EHMT1: variants seen among roughly 807,000 people sequenced by gnomAD.
EHMT1 encodes the protein histone-lysine N-methyltransferase EHMT1.
EHMT1 carries 15 observed loss-of-function variants against 147.2 expected under a neutral mutation model. The observed-to-expected ratio is 0.10, with a 90% CI of 0.07 to 0.16. The LOEUF is 0.16. Ranked by LOEUF, EHMT1 falls within the 10% of genes least tolerant of loss-of-function variation. The probability of loss-of-function intolerance (pLI) is 1.00; values close to 1 mark genes in which losing one functional copy is unlikely to be tolerated. For missense variants in EHMT1, 1,587 were observed against 1,772.4 expected, an observed-to-expected ratio of 0.90 and a Z score of 1.88; for synonymous variants, 795 against 709.6, an observed-to-expected ratio of 1.12 and a Z score of -1.91.
At chr9:137,709,662 CA>C (rs1944527327) in intron 1 of EHMT1, among the ~76,000 whole-genome samples, 2 of 128,932 alleles carry the variant, frequency 1.6e-5, no homozygotes, top group African/African-American at 7.0e-5. Context: ...CGGGTTTTTG[CA>C]GCCTCTTCTT....
chr9:137,722,003 G>A (rs1385763588), intron 3 of EHMT1, among the ~76,000 whole-genome samples: 1 of 148,514 alleles, frequency 6.7e-6, no homozygotes, highest in African/African-American at 2.5e-5. Flanking sequence ...TCAGTCTTAC[G>A]TGAACTTTAA....
intron 5 of EHMT1, 83 bp downstream of exon 5, chr9:137,743,611 T>C (rs1395316536): frequency 6.3e-7 from 1 of 1,594,356 alleles, no homozygotes; most frequent in East Asian, 2.2e-5. Context: ...GTAATTTGGG[T>C]GACCTCAGTC....
intron 6 of EHMT1, among the ~76,000 whole-genome samples, chr9:137,749,006 C>A (rs754661824): frequency 6.6e-6 from 1 of 152,126 alleles, no homozygotes. Flanking sequence ...GAGAGCTGGA[C>A]CCTCTCCCCT....
At chr9:137,656,353 C>G (rs974739530) in intron 1 of EHMT1, among the ~76,000 whole-genome samples, 1 of 152,120 alleles carries the variant, frequency 6.6e-6, no homozygotes, top group African/African-American at 2.4e-5. Context: ...GCACTCCAGC[C>G]TGGGTGACAG....
intron 26 of EHMT1, 32 bp downstream of exon 26, chr9:137,834,556 G>A (rs1215840502): frequency 1.9e-6 from 3 of 1,607,566 alleles, no homozygotes; most frequent in Admixed American, 3.3e-5. Context: ...GGCCATCTCC[G>A]CTGCCGGCGG....
chr9:137,624,878 C>T (rs1843156633), intron 1 of EHMT1, among the ~76,000 whole-genome samples: 1 of 151,354 alleles, frequency 6.6e-6, no homozygotes, highest in South Asian at 2.1e-4. Flanking sequence ...GGCCCAGTTT[C>T]ATTCTTCTTT....
At chr9:137,705,757 A>G (rs1944213804) in intron 1 of EHMT1, among the ~76,000 whole-genome samples, 1 of 152,260 alleles carries the variant, frequency 6.6e-6, no homozygotes, top group East Asian at 1.9e-4. Flanking sequence ...TAGGCACTGC[A>G]CTCAGTCTCT....
intron 1 of EHMT1, among the ~76,000 whole-genome samples, chr9:137,694,953 C>T (rs958107401): frequency 6.6e-6 from 1 of 152,208 alleles, no homozygotes; most frequent in Non-Finnish European, 1.5e-5. Flanking sequence ...TAGCCGTTTC[C>T]AGCTTGACTG....
intron 16 of EHMT1, among the ~76,000 whole-genome samples, chr9:137,795,926 C>T (rs1952904097): frequency 6.6e-6 from 1 of 152,098 alleles, no homozygotes; most frequent in South Asian, 2.1e-4. Flanking sequence ...TACTGAAAAA[C>T]TGTGCAACTA....
At chr9:137,666,512 C>T (rs561301383) in intron 1 of EHMT1, among the ~76,000 whole-genome samples, 20 of 152,180 alleles carry the variant, frequency 1.3e-4, no homozygotes, top group Admixed American at 1.1e-3. Context: ...GAGCAGGAAC[C>T]AGGGACCCTG....
intron 4 of EHMT1, chr9:137,738,533 C>T (rs1383139495): frequency 6.6e-6 from 1 of 152,182 alleles, no homozygotes; most frequent in African/African-American, 2.4e-5. Context: ...AGCAGTTCCA[C>T]TGCTGGGCAC....
intron 1 of EHMT1, among the ~76,000 whole-genome samples, chr9:137,700,292 C>A (rs907343367): frequency 6.6e-6 from 1 of 152,204 alleles, no homozygotes; most frequent in Non-Finnish European, 1.5e-5. Context: ...TGCTTGTGTA[C>A]TTGGCCTCCA....
chr9:137,777,316 C>G lies in EHMT1; in HGVS notation c.2018+472C>G, dbSNP rs899617631. 5 of 189,512 alleles carry G rather than the reference C, an allele frequency of 2.6e-5. No individual in the cohort carries two copies. In the South Asian group the frequency reaches 5.1e-4, roughly 19 times the overall value. The allele number at this position is 189,512 out of a possible 1,614,324, so 11.7% of individuals were successfully genotyped here. On this transcript the variant is annotated intron_variant, in intron 12 of 26. Coordinates refer to ENST00000460843, the MANE Select transcript of EHMT1 (RefSeq NM_024757.5). ...AGAAACAGCTGAAAAATTTTTAGAG[C>G]TCAAAAGAGTCAGTAAGAGGATCTG... is the stretch of plus-strand genomic sequence containing the variant.
chr9:137,834,956 C>T lies in EHMT1; in HGVS notation c.*3C>T, dbSNP rs1468314142. 1.1e-5 allele frequency: 16 copies of T among 1,421,234 alleles called. No homozygotes were observed. Among genetic ancestry groups the T allele is most frequent in the Non-Finnish European group, 1.5e-5 (16 of 1,096,266 alleles). The allele number at this position is 1,421,234 out of a possible 1,614,324, so 88.0% of individuals were successfully genotyped here. A position where few individuals can be genotyped will look rare whatever the true frequency, so the allele number is the denominator to read the frequency against. ...CGGCTGCCGCCGACCCCCTATGAGA[C>T]GCCGCCGGCCAGCGGGGCGCTCGGG... On this transcript the variant is annotated 3_prime_UTR_variant, in exon 27 of 27. Transcript: ENST00000460843.
chr9:137,823,286 G>C (rs574789614), intron 25 of EHMT1, among the ~76,000 whole-genome samples: 1 of 151,236 alleles, frequency 6.6e-6, no homozygotes, highest in African/African-American at 2.4e-5. Flanking sequence ...TTTTAGTAGA[G>C]ACAGGGTTTC....
intron 14 of EHMT1, among the ~76,000 whole-genome samples, chr9:137,780,652 T>A (rs1951367905): frequency 2.3e-5 from 1 of 42,576 alleles, no homozygotes; most frequent in Non-Finnish European, 4.1e-5. Context: ...TGACGGCATC[T>A]CACTGAGATG....
rs768595621 is a variant in EHMT1 at position 137,779,710 on chromosome 9, C to T, written c.2268C>T (p.Leu756=). ...ARQGELQKVL[L]MLVDGIDPNF... is the part of the protein sequence containing the mutation. ...AAGGGGAGCTTCAGAAGGTGCTCCT[C>T]ATGCTGGGTAAGTGCCTTCCTGCGG... The change falls in exon 14 of 27, where the codon CTC becomes CTT. Residue 756 remains leucine, a synonymous_variant. Coordinates refer to ENST00000460843, the MANE Select transcript of EHMT1 (RefSeq NM_024757.5). The T allele has an allele frequency of 2.2e-5, 36 of 1,613,522 alleles. No individual in the cohort carries two copies. Among genetic ancestry groups the T allele is most frequent in the Non-Finnish European group, 2.9e-5 (34 of 1,180,052 alleles).
At chr9:137,647,071 G>A (rs774245930) in intron 1 of EHMT1, among the ~76,000 whole-genome samples, 6 of 152,132 alleles carry the variant, frequency 3.9e-5, no homozygotes, top group African/African-American at 1.2e-4. Flanking sequence ...AGTTGTCTCC[G>A]TTTGGCTTCT....
intron 1 of EHMT1, among the ~76,000 whole-genome samples, chr9:137,648,491 C>CAAAAAAAAAA (rs397720797): frequency 1.1e-5 from 1 of 93,778 alleles, no homozygotes; most frequent in Admixed American, 1.1e-4. Flanking sequence ...TCCTTCTCTC[C>CAAAAAAAAAA]AAAAAAAAAA....
Sources: allele counts gnomAD v4.1 joint callset (sites outside exome capture counted in the v4.1 genomes callset), GRCh38; gene constraint gnomAD v4.1.1; transcripts MANE v1.5; gene names NCBI Gene and HGNC (gene_info 2026-07-23, HGNC 2026-07-21).